PTPRD: variants seen among roughly 807,000 people sequenced by gnomAD.
PTPRD encodes protein tyrosine phosphatase receptor type D, also known as receptor-type tyrosine-protein phosphatase delta.
In PTPRD, 34 loss-of-function variants were observed where a neutral mutation model predicts 214.5. That is an observed-to-expected ratio of 0.16 (90% CI 0.12 to 0.21). PTPRD has a LOEUF of 0.21. PTPRD is among the 10% of genes least tolerant of loss of function. The probability of loss-of-function intolerance (pLI) is 1.00; values close to 1 mark genes in which losing one functional copy is unlikely to be tolerated. For missense variants in PTPRD, 2,545 were observed against 2,398.7 expected, an observed-to-expected ratio of 1.06 and a Z score of -1.27; for synonymous variants, 1,128 against 845.7, an observed-to-expected ratio of 1.33 and a Z score of -5.79.
chr9:9,569,656 A>C (rs937994811), intron 8 of PTPRD, among the ~76,000 whole-genome samples: 2 of 151,726 alleles, frequency 1.3e-5, no homozygotes, highest in African/African-American at 4.8e-5. Flanking sequence ...GCAAGATAAC[A>C]TACACATTTT....
At chr9:8,877,320 AAT>A (rs1321858473) in intron 11 of PTPRD, among the ~76,000 whole-genome samples, 1 of 152,176 alleles carries the variant, frequency 6.6e-6, no homozygotes, top group Non-Finnish European at 1.5e-5. Context: ...AACCCAGGGT[AAT>A]GTCTATGTCA....
chr9:8,495,169 C>T (rs2097235183), intron 26 of PTPRD, among the ~76,000 whole-genome samples: 1 of 152,120 alleles, frequency 6.6e-6, no homozygotes, highest in Non-Finnish European at 1.5e-5. Flanking sequence ...AGATGTTTTC[C>T]TGTGACTACC....
chr9:10,552,900 C>G (rs1365202991), intron 2 of PTPRD, among the ~76,000 whole-genome samples: 5 of 152,128 alleles, frequency 3.3e-5, no homozygotes, highest in Non-Finnish European at 4.4e-5. Flanking sequence ...CATGACTCTC[C>G]CAATAGATAC....
At chr9:10,390,943 C>G (rs2098049646) in intron 2 of PTPRD, among the ~76,000 whole-genome samples, 1 of 151,736 alleles carries the variant, frequency 6.6e-6, no homozygotes, top group Non-Finnish European at 1.5e-5. Context: ...TGTCAATGTC[C>G]CCAGCTAACA....
intron 10 of PTPRD, among the ~76,000 whole-genome samples, chr9:9,045,050 A>C (rs1282647484): frequency 6.6e-6 from 1 of 152,166 alleles, no homozygotes; most frequent in Non-Finnish European, 1.5e-5. Flanking sequence ...ACCATTCAAA[A>C]ATATGATGTT....
chr9:8,411,382 C>T (rs1042628615), intron 35 of PTPRD, among the ~76,000 whole-genome samples: 2 of 152,012 alleles, frequency 1.3e-5, no homozygotes, highest in Admixed American at 1.3e-4. Context: ...TGGCTCACTG[C>T]AACCTCTGCC....
chr9:9,532,193 G>A (rs532989747), intron 8 of PTPRD, among the ~76,000 whole-genome samples: 187 of 152,040 alleles, frequency 1.2e-3, no homozygotes, highest in Non-Finnish European at 2.0e-3. Flanking sequence ...AGTGAGGATG[G>A]GTAAAGAACT....
intron 14 of PTPRD, among the ~76,000 whole-genome samples, chr9:8,541,835 A>G (rs1374757148): frequency 3.3e-5 from 5 of 152,228 alleles, no homozygotes; most frequent in Non-Finnish European, 7.3e-5. Flanking sequence ...AATATCATAT[A>G]TAAAAGCAAA....
At chr9:10,306,073 C>T (rs976784580) in intron 3 of PTPRD, among the ~76,000 whole-genome samples, 3 of 152,000 alleles carry the variant, frequency 2.0e-5, no homozygotes, top group Non-Finnish European at 2.9e-5. Flanking sequence ...ACATATACAC[C>T]AGGGAATCCT....
intron 10 of PTPRD, among the ~76,000 whole-genome samples, chr9:9,148,734 T>C (rs1398928186): frequency 2.0e-5 from 3 of 152,220 alleles, no homozygotes; most frequent in Non-Finnish European, 2.9e-5. Flanking sequence ...GCTTTTAACA[T>C]TCCACTCTAA....
At chr9:9,472,573 A>G (rs1260974235) in intron 8 of PTPRD, among the ~76,000 whole-genome samples, 1 of 152,106 alleles carries the variant, frequency 6.6e-6, no homozygotes, top group East Asian at 1.9e-4. Context: ...TTCAGTTTGC[A>G]GCCAACCTCA....
intron 9 of PTPRD, among the ~76,000 whole-genome samples, chr9:9,340,771 C>T (rs73641464): frequency 3.9e-5 from 6 of 152,186 alleles, no homozygotes; most frequent in Admixed American, 6.5e-5. Flanking sequence ...GGTAGCTATG[C>T]GAAGTAACAA....
intron 2 of PTPRD, among the ~76,000 whole-genome samples, chr9:10,417,302 T>G (rs2098501119): frequency 6.6e-6 from 1 of 151,874 alleles, no homozygotes. Context: ...AATGAAAGGG[T>G]GAACATTGAT....
chr9:9,298,797 G>T (rs1361981460), intron 9 of PTPRD, among the ~76,000 whole-genome samples: 1 of 151,652 alleles, frequency 6.6e-6, no homozygotes, highest in Non-Finnish European at 1.5e-5. Flanking sequence ...CAAACCATTA[G>T]CTGTTCAATA....
At chr9:8,440,634 C>T (rs560492726) in intron 34 of PTPRD, among the ~76,000 whole-genome samples, 11 of 152,296 alleles carry the variant, frequency 7.2e-5, no homozygotes, top group South Asian at 4.1e-4. Flanking sequence ...TTTAAAGGCA[C>T]GCATCAAATC....
At chr9:8,999,902 A>G (rs778435686) in intron 11 of PTPRD, among the ~76,000 whole-genome samples, 30 of 152,004 alleles carry the variant, frequency 2.0e-4, no homozygotes, top group Non-Finnish European at 3.4e-4. Flanking sequence ...AAATCCTCTC[A>G]ACAATTTTCT....
At chr9:8,845,954 A>G (rs929390206) in intron 11 of PTPRD, among the ~76,000 whole-genome samples, 2 of 152,202 alleles carry the variant, frequency 1.3e-5, no homozygotes, top group African/African-American at 4.8e-5. Context: ...GAGGCCCCTT[A>G]AAACGAAAAC....
intron 9 of PTPRD, among the ~76,000 whole-genome samples, chr9:9,290,535 G>A (rs1789732536): frequency 6.6e-6 from 1 of 151,408 alleles, no homozygotes; most frequent in Admixed American, 6.6e-5. Flanking sequence ...GAGTTTTAGA[G>A]TTTTGGTTCT....
chr9:9,972,293 T>C (rs905362061), intron 4 of PTPRD, among the ~76,000 whole-genome samples: 27 of 152,124 alleles, frequency 1.8e-4, no homozygotes, highest in Admixed American at 3.3e-4. Context: ...TGTTCCAGAG[T>C]GAAAACTTGC....
Sources: gnomAD v4.1 joint callset for allele counts (sites outside exome capture counted in the v4.1 genomes callset) on GRCh38, gnomAD v4.1.1 for gene constraint, MANE v1.5 for transcripts, NCBI Gene and HGNC (gene_info 2026-07-23, HGNC 2026-07-21) for gene names.